Variants in CTNNA3 observed in about 807,000 individuals in gnomAD.
CTNNA3 encodes the protein catenin alpha 3.
In CTNNA3, 76 loss-of-function variants were observed where a neutral mutation model predicts 95.7. That is an observed-to-expected ratio of 0.79 (90% CI 0.66 to 0.96). The LOEUF is 0.96. Among genes scored for constraint, CTNNA3 ranks in the 40% least tolerant of loss-of-function variants. The pLI, the probability that CTNNA3 is intolerant of heterozygous loss-of-function variation, is 0.00. For synonymous variants in CTNNA3, 431 were observed against 374.4 expected, an observed-to-expected ratio of 1.15 and a Z score of -1.74; for missense variants, 1,191 against 1,089.8, an observed-to-expected ratio of 1.09 and a Z score of -1.31.
At chr10:66,214,642 T>C (rs1209133371) in intron 13 of CTNNA3, among the ~76,000 whole-genome samples, 2 of 151,992 alleles carry the variant, frequency 1.3e-5, no homozygotes, top group Non-Finnish European at 2.9e-5. Flanking sequence ...AGAAAAAATA[T>C]ATATTATATT....
At chr10:66,652,205 A>C (rs752451694) in intron 9 of CTNNA3, among the ~76,000 whole-genome samples, 1 of 152,006 alleles carries the variant, frequency 6.6e-6, no homozygotes, top group Admixed American at 6.6e-5. Flanking sequence ...TGATAGAAAA[A>C]AAATCAACAA....
intron 7 of CTNNA3, among the ~76,000 whole-genome samples, chr10:67,140,846 T>A (rs1266155650): frequency 6.6e-6 from 1 of 152,188 alleles, no homozygotes; most frequent in Non-Finnish European, 1.5e-5. Flanking sequence ...GCCACCACAG[T>A]AGCCTGCATG....
chr10:66,494,768 G>C (rs533994529), intron 11 of CTNNA3, among the ~76,000 whole-genome samples: 27 of 152,162 alleles, frequency 1.8e-4, no homozygotes, highest in Non-Finnish European at 3.7e-4. Flanking sequence ...CAATACCGTT[G>C]GGAGGATTCT....
intron 1 of CTNNA3, among the ~76,000 whole-genome samples, chr10:67,760,693 G>A (rs1202873172): frequency 5.3e-5 from 8 of 152,096 alleles, no homozygotes; most frequent in South Asian, 4.2e-4. Flanking sequence ...TCACATTACC[G>A]CCTGAGCTCC....
At chr10:66,821,956 A>T (rs1430941332) in intron 7 of CTNNA3, among the ~76,000 whole-genome samples, 3 of 152,044 alleles carry the variant, frequency 2.0e-5, no homozygotes, top group Non-Finnish European at 1.5e-5. Flanking sequence ...TCTGTAATTT[A>T]AATTTTGTCC....
At chr10:67,398,378 C>T (rs1315063329) in intron 5 of CTNNA3, among the ~76,000 whole-genome samples, 1 of 152,180 alleles carries the variant, frequency 6.6e-6, no homozygotes, top group Non-Finnish European at 1.5e-5. Context: ...CCTGTAGCCC[C>T]TTTGTTTTGA....
At position 66,175,178 on chromosome 10, in the gene CTNNA3, G is replaced by GCACA. The variant is rs147448130; in HGVS notation, c.1885-71933_1885-71930dup. Among the ~76,000 whole-genome samples, 181 of 150,962 alleles carry GCACA rather than the reference G, an allele frequency of 1.2e-3. 1 individual carries two copies. Among genetic ancestry groups the GCACA allele is most frequent in the Middle Eastern group, 6.8e-3 (2 of 292 alleles). ...GGCCCCACAGAATCAACACACACAT[G>GCACA]CACACACACACACACTCACAACCCT... On this transcript the variant is annotated intron_variant, in intron 13 of 17. Coordinates refer to ENST00000433211, the MANE Select transcript of CTNNA3 (RefSeq NM_013266.4).
intron 17 of CTNNA3, among the ~76,000 whole-genome samples, chr10:65,947,733 T>A (rs72808337): frequency 1.0e-3 from 154 of 152,378 alleles, no homozygotes; most frequent in Non-Finnish European, 1.6e-3. Context: ...AATTGGTAGC[T>A]GTTTGTTACC....
At chr10:66,550,582 T>A (rs1842184501) in intron 10 of CTNNA3, among the ~76,000 whole-genome samples, 1 of 152,216 alleles carries the variant, frequency 6.6e-6, no homozygotes, top group East Asian at 1.9e-4. Context: ...ATATTTACTC[T>A]TTGGCCCTCT....
intron 13 of CTNNA3, among the ~76,000 whole-genome samples, chr10:66,203,505 G>A (rs2087565176): frequency 6.6e-6 from 1 of 151,656 alleles, no homozygotes; most frequent in Non-Finnish European, 1.5e-5. Flanking sequence ...AGTAATTATG[G>A]AAATATTATA....
intron 12 of CTNNA3, among the ~76,000 whole-genome samples, chr10:66,344,568 G>T (rs1377257811): frequency 3.9e-5 from 6 of 151,902 alleles, no homozygotes; most frequent in Non-Finnish European, 7.4e-5. Flanking sequence ...GGCCCAGCCT[G>T]TAGTGTGTAT....
intron 7 of CTNNA3, among the ~76,000 whole-genome samples, chr10:66,805,239 T>C (rs1424511543): frequency 1.3e-5 from 2 of 152,024 alleles, no homozygotes; most frequent in Admixed American, 6.6e-5. Context: ...GTTTGCTTTG[T>C]GTCTCTTTGC....
At chr10:67,029,579 T>C (rs1158461738) in intron 7 of CTNNA3, among the ~76,000 whole-genome samples, 1 of 152,228 alleles carries the variant, frequency 6.6e-6, no homozygotes, top group African/African-American at 2.4e-5. Context: ...AGTTTTAACA[T>C]TGTATTATTT....
chr10:66,289,324 C>T (rs936024631), intron 12 of CTNNA3, among the ~76,000 whole-genome samples: 1 of 65,010 alleles, frequency 1.5e-5, no homozygotes, highest in African/African-American at 6.6e-5. Context: ...CGTGGTGGCT[C>T]ATGCCTGTAA....
intron 9 of CTNNA3, among the ~76,000 whole-genome samples, chr10:66,683,439 C>G (rs967166457): frequency 4.6e-5 from 7 of 152,050 alleles, no homozygotes; most frequent in Non-Finnish European, 7.4e-5. Context: ...AATGCTCTCC[C>G]AAAGGAAGTA....
Position 66,690,633 on chromosome 10 carries a change from C to A in CTNNA3, c.1282-68849G>T, listed in dbSNP as rs191734604. The stretch of plus-strand genomic sequence containing the variant: ...GAATGATTCCCAATTTCATCCATGT[C>A]CCTACAAAGGACATGAACTCATCAT... On this transcript the variant is annotated intron_variant, in intron 9 of 17. Coordinates refer to ENST00000433211, the MANE Select transcript of CTNNA3 (RefSeq NM_013266.4). 3.9e-3 allele frequency among the ~76,000 whole-genome samples: 592 copies of A among 151,676 alleles called. 4 individuals carry two copies. The highest frequency in any genetic ancestry group is 0.014 in the African/African-American group (564 of 41,072).
At chr10:67,307,203 ATAAT>A (rs1284076872) in intron 5 of CTNNA3, among the ~76,000 whole-genome samples, 1 of 152,220 alleles carries the variant, frequency 6.6e-6, no homozygotes, top group Non-Finnish European at 1.5e-5. Context: ...TGTTGATTAA[ATAAT>A]TAATAAATGC....
intron 2 of CTNNA3, among the ~76,000 whole-genome samples, chr10:67,640,125 A>G (rs575422681): frequency 6.6e-6 from 1 of 152,160 alleles, no homozygotes; most frequent in Admixed American, 6.5e-5. Context: ...AGCCCAAAAT[A>G]TCCTTAAGCT....
chr10:66,621,887 A>C, intron 9 of CTNNA3, 103 bp from the exon 10 acceptor site: 3 of 568,560 alleles, frequency 5.3e-6, no homozygotes, highest in East Asian at 3.2e-5. Flanking sequence ...AAGAATCTCA[A>C]TGACAAATAA....
Sources: allele counts gnomAD v4.1 joint callset (sites outside exome capture counted in the v4.1 genomes callset), GRCh38; gene constraint gnomAD v4.1.1; transcripts MANE v1.5; gene names NCBI Gene and HGNC (gene_info 2026-07-23, HGNC 2026-07-21).